CUL5: variants seen among roughly 807,000 people sequenced by gnomAD.
CUL5 encodes the protein cullin 5.
A neutral mutation model predicts 108.8 loss-of-function variants in CUL5; 26 were observed. That is an observed-to-expected ratio of 0.24 (90% CI 0.18 to 0.33). The LOEUF (loss-of-function observed/expected upper bound fraction) is 0.33, where lower values mean the gene tolerates loss of function less well. Ranked by LOEUF, CUL5 falls within the 10% of genes least tolerant of loss-of-function variation. The probability of loss-of-function intolerance (pLI) is 1.00; values close to 1 mark genes in which losing one functional copy is unlikely to be tolerated. For missense variants in CUL5, 524 were observed against 909.2 expected (o/e 0.58, Z 5.45); for synonymous variants, 334 against 298.0 (o/e 1.12, Z -1.25).
intron 7 of CUL5, among the ~76,000 whole-genome samples, chr11:108,064,392 A>G (rs1208475599): frequency 6.6e-6 from 1 of 152,084 alleles, no homozygotes; most frequent in Non-Finnish European, 1.5e-5. Context: ...ATGATGAATG[A>G]TTTCTTTAAG....
At position 108,033,170 on chromosome 11, in the gene CUL5, C is replaced by T. The variant is rs376509999; in HGVS notation, c.25-632C>T. 2.1e-4 allele frequency among the ~76,000 whole-genome samples: 32 copies of T among 152,292 alleles called. 1 individual carries two copies. Among genetic ancestry groups the T allele is most frequent in the Middle Eastern group, 6.8e-3 (2 of 294 alleles). On this transcript the variant is annotated intron_variant, in intron 1 of 18. Coordinates refer to ENST00000393094, the MANE Select transcript of CUL5 (RefSeq NM_003478.6). ...GAGTTCCAAATGCGAGCTTATCTTGCCCTCTCCCCATGTGGTCAGGACACA... is the reference window on the plus strand; with the variant it reads ...GAGTTCCAAATGCGAGCTTATCTTGTCCTCTCCCCATGTGGTCAGGACACA...
intron 1 of CUL5, among the ~76,000 whole-genome samples, chr11:108,011,280 C>T (rs1291679272): frequency 6.6e-6 from 1 of 152,064 alleles, no homozygotes; most frequent in Non-Finnish European, 1.5e-5. Flanking sequence ...TAAGTACTTA[C>T]CTGTGGAAGC....
At chr11:108,024,129 A>G (rs1203523469) in intron 1 of CUL5, among the ~76,000 whole-genome samples, 2 of 152,234 alleles carry the variant, frequency 1.3e-5, no homozygotes, top group Non-Finnish European at 2.9e-5. Context: ...AAAGGACCAG[A>G]GAATAGTTAA....
At chr11:108,096,027 T>G (rs1864482911) in intron 16 of CUL5, among the ~76,000 whole-genome samples, 1 of 144,822 alleles carries the variant, frequency 6.9e-6, no homozygotes, top group Non-Finnish European at 1.5e-5. Flanking sequence ...ATTCAGGAGG[T>G]AGAGGTTGCA....
At chr11:108,094,363 C>T in intron 13 of CUL5, 28 bp from the exon 14 acceptor site, 1 of 1,516,234 alleles carries the variant, frequency 6.6e-7, no homozygotes, top group Admixed American at 2.1e-5. Context: ...TATTTATTAC[C>T]TCTTCCTTCT....
chr11:108,040,473 G>T (rs577712409), intron 2 of CUL5, among the ~76,000 whole-genome samples: 64 of 152,232 alleles, frequency 4.2e-4, no homozygotes, highest in Non-Finnish European at 7.1e-4. Context: ...TCGGCTGGGT[G>T]TGGTGTTGTG....
chr11:108,097,198 T>TA (rs1164358683), intron 16 of CUL5, among the ~76,000 whole-genome samples: 1 of 152,182 alleles, frequency 6.6e-6, no homozygotes, highest in African/African-American at 2.4e-5. Context: ...GTATTTTCAG[T>TA]AGAGACGGGG....
intron 9 of CUL5, among the ~76,000 whole-genome samples, 184 bp from the exon 10 acceptor site, chr11:108,073,206 A>G (rs1261805505): frequency 1.3e-5 from 2 of 151,912 alleles, no homozygotes; most frequent in Non-Finnish European, 2.9e-5. Flanking sequence ...CGTCTCAAAA[A>G]AAAAAAAAGG....
intron 2 of CUL5, among the ~76,000 whole-genome samples, chr11:108,042,533 A>G (rs573267298): frequency 6.6e-6 from 1 of 151,826 alleles, no homozygotes; most frequent in Non-Finnish European, 1.5e-5. Flanking sequence ...ACAATTCTAT[A>G]TACTGTCGAT....
intron 2 of CUL5, among the ~76,000 whole-genome samples, chr11:108,041,632 C>T (rs940953005): frequency 1.3e-5 from 2 of 151,794 alleles, no homozygotes; most frequent in Non-Finnish European, 2.9e-5. Context: ...CTCTTGTTGC[C>T]TAGGCTGGAG....
At chr11:108,053,471 G>C (rs1352868131) in intron 5 of CUL5, among the ~76,000 whole-genome samples, 1 of 152,070 alleles carries the variant, frequency 6.6e-6, no homozygotes, top group East Asian at 1.9e-4. Context: ...TAGTTATCAA[G>C]CCTTTAGATT....
rs968475682 is a variant in CUL5, at chr11:108,105,068, G to GT, written c.*697dup. The GT allele has an allele frequency of 0.01, 1,450 of 143,500 alleles. 8 individuals are homozygous for GT. Among genetic ancestry groups the GT allele is most frequent in the African/African-American group, 0.018 (713 of 39,322 alleles). The allele number at this position is 143,500 out of a possible 1,614,324, so 8.9% of individuals were successfully genotyped here. A position where few individuals can be genotyped will look rare whatever the true frequency, so the allele number is the denominator to read the frequency against. On this transcript the variant is annotated 3_prime_UTR_variant, in exon 19 of 19. Transcript: ENST00000393094. ...TTTAGTTGTTGTTAAATGATGAGGA[G>GT]TTTTTTTTTTTTTAAATATGGCTGG...
At chr11:108,077,693 C>T (rs1863975511) in intron 10 of CUL5, among the ~76,000 whole-genome samples, 1 of 151,726 alleles carries the variant, frequency 6.6e-6, no homozygotes, top group African/African-American at 2.4e-5. Context: ...CCCTGTAATC[C>T]CAGCACTTTG....
At chr11:108,040,547 G>T (rs1283883488) in intron 2 of CUL5, among the ~76,000 whole-genome samples, 1 of 149,810 alleles carries the variant, frequency 6.7e-6, no homozygotes, top group Non-Finnish European at 1.5e-5. Flanking sequence ...GGGAAGCAGA[G>T]GTTGCAGTGA....
At chr11:108,055,572 G>A (rs1863353009) in intron 7 of CUL5, among the ~76,000 whole-genome samples, 1 of 151,548 alleles carries the variant, frequency 6.6e-6, no homozygotes, top group Non-Finnish European at 1.5e-5. Flanking sequence ...AGCCTCCTAA[G>A]TAGCTGGGAC....
chr11:108,074,612 C>G (rs1327954360), intron 10 of CUL5, among the ~76,000 whole-genome samples: 1 of 151,908 alleles, frequency 6.6e-6, no homozygotes, highest in Non-Finnish European at 1.5e-5. Context: ...CGAGATCAGC[C>G]TGATCAACAT....
At chr11:108,073,105 G>A (rs1863863711) in intron 9 of CUL5, among the ~76,000 whole-genome samples, 1 of 151,820 alleles carries the variant, frequency 6.6e-6, no homozygotes, top group Non-Finnish European at 1.5e-5. Flanking sequence ...GGGAGGGTGA[G>A]GCAGGAGAAT....
Position 108,097,707 on chromosome 11 carries a change from C to G in CUL5, c.1977C>G (p.Asp659Glu). ...AACCTCAAGTCAACTCACCCAAAGA[C>G]TTTACAGAAGGTACCCTCTTCTCAG... ...LYEPQVNSPK[D>E]FTEGTLFSVN... is the part of the protein sequence containing the mutation. Residue 659 changes from aspartate to glutamate, a missense_variant, in exon 17 of 19, where the codon GAC (aspartate) becomes GAG (glutamate). Physicochemically the swap from Asp to Glu is conservative, Grantham distance 45. This residue lies in a region of CUL5 where 66 missense variants were observed against 81.4 expected (regional missense o/e 0.81). Transcript: ENST00000393094. The G allele has an allele frequency of 6.2e-7, 1 of 1,613,460 alleles. No individual in the cohort carries two copies. The highest frequency in any genetic ancestry group is 2.2e-5 in the East Asian group (1 of 44,818).
intron 7 of CUL5, among the ~76,000 whole-genome samples, chr11:108,062,658 A>G (rs1772408837): frequency 6.6e-6 from 1 of 151,898 alleles, no homozygotes; most frequent in South Asian, 2.1e-4. Flanking sequence ...TGATACAGGC[A>G]TGCAACGCAT....
Sources: gnomAD v4.1 joint callset for allele counts (sites outside exome capture counted in the v4.1 genomes callset) on GRCh38, gnomAD v4.1.1 for gene constraint, gnomAD v4.1.1 regional missense constraint, MANE v1.5 for transcripts, NCBI Gene and HGNC (gene_info 2026-07-23, HGNC 2026-07-21) for gene names.